TBC1D22A: variants seen among roughly 807,000 people sequenced by gnomAD.
TBC1D22A encodes the protein TBC1 domain family member 22A.
TBC1D22A carries 38 observed loss-of-function variants against 60.2 expected under a neutral mutation model. The ratio of observed to expected loss-of-function variants is 0.63; its 90% CI spans 0.49 to 0.83. TBC1D22A has a LOEUF of 0.83. Ranked by LOEUF, TBC1D22A falls within the 40% of genes least tolerant of loss-of-function variation. The probability of loss-of-function intolerance (pLI) is 0.00; values close to 1 mark genes in which losing one functional copy is unlikely to be tolerated. For synonymous variants in TBC1D22A, 302 were observed against 281.7 expected (o/e 1.07, Z -0.72); for missense variants, 628 against 701.0 (o/e 0.90, Z 1.18).
At chr22:46,826,690 GA>G (rs1157100992) in intron 4 of TBC1D22A, among the ~76,000 whole-genome samples, 1 of 152,154 alleles carries the variant, frequency 6.6e-6, no homozygotes, top group African/African-American at 2.4e-5. Flanking sequence ...GACTGTCCCG[GA>G]GCTTGCTTGA....
intron 11 of TBC1D22A, among the ~76,000 whole-genome samples, chr22:47,068,251 C>T (rs1479737325): frequency 1.3e-5 from 2 of 152,222 alleles, no homozygotes; most frequent in African/African-American, 4.8e-5. Context: ...GGAGCCGTTG[C>T]CCCCAGGGCT....
intron 11 of TBC1D22A, among the ~76,000 whole-genome samples, chr22:47,079,902 A>G (rs1051809173): frequency 6.6e-6 from 1 of 152,262 alleles, no homozygotes; most frequent in Non-Finnish European, 1.5e-5. Context: ...CTTTACGTGT[A>G]ATAACATGGA....
intron 4 of TBC1D22A, among the ~76,000 whole-genome samples, chr22:46,812,035 T>C (rs1369275778): frequency 6.6e-6 from 1 of 152,100 alleles, no homozygotes; most frequent in Admixed American, 6.5e-5. Context: ...AAATCTTTGT[T>C]CTGTGTGTAG....
At chr22:46,917,400 G>C (rs1280436530) in intron 8 of TBC1D22A, among the ~76,000 whole-genome samples, 3 of 152,138 alleles carry the variant, frequency 2.0e-5, no homozygotes, top group Non-Finnish European at 1.5e-5. Flanking sequence ...AGGAGGGCCT[G>C]GTCCTGGATG....
At chr22:46,888,085 C>T (rs961907152) in intron 5 of TBC1D22A, among the ~76,000 whole-genome samples, 7 of 152,204 alleles carry the variant, frequency 4.6e-5, no homozygotes, top group Admixed American at 4.6e-4. Flanking sequence ...CAGAGGGTGG[C>T]CGCCGCAACT....
intron 4 of TBC1D22A, among the ~76,000 whole-genome samples, chr22:46,837,703 A>G (rs537423151): frequency 2.0e-5 from 3 of 152,362 alleles, no homozygotes; most frequent in Non-Finnish European, 4.4e-5. Context: ...CAGCATACCA[A>G]CACTTCTCAG....
At chr22:47,098,658 TC>T (rs920786712) in intron 11 of TBC1D22A, among the ~76,000 whole-genome samples, 1 of 151,908 alleles carries the variant, frequency 6.6e-6, no homozygotes, top group African/African-American at 2.4e-5. Flanking sequence ...AGGTGAGGCA[TC>T]CCCCCGACTC....
At chr22:46,785,785 T>C (rs950001674) in intron 1 of TBC1D22A, among the ~76,000 whole-genome samples, 2 of 152,240 alleles carry the variant, frequency 1.3e-5, no homozygotes, top group Non-Finnish European at 2.9e-5. Flanking sequence ...TCACTACTTT[T>C]GTTTTGAGAC....
At chr22:47,069,760 G>GT (rs1380155876) in intron 11 of TBC1D22A, among the ~76,000 whole-genome samples, 4 of 86,824 alleles carry the variant, frequency 4.6e-5, no homozygotes, top group African/African-American at 2.0e-4. Flanking sequence ...TGACCTGACG[G>GT]TCCTGGCTGT....
chr22:46,962,195 C>T (rs574290499), intron 8 of TBC1D22A, among the ~76,000 whole-genome samples: 116 of 152,304 alleles, frequency 7.6e-4, no homozygotes, highest in Middle Eastern at 6.8e-3. Context: ...TCCTGCTCTG[C>T]GTGGCTTTAA....
chr22:46,904,142 T>TCTATCTATCTATCTATCTATCTAC (rs57116517), intron 7 of TBC1D22A, among the ~76,000 whole-genome samples: 2 of 134,498 alleles, frequency 1.5e-5, no homozygotes, highest in African/African-American at 5.9e-5. Flanking sequence ...TATCTATCTA[T>TCTATCTATCTATCTATCTATCTAC]CTACCTACCT....
chr22:46,974,786 C>T lies in TBC1D22A; in HGVS notation c.1125+387C>T, dbSNP rs574988504. Among the ~76,000 whole-genome samples the T allele has an allele frequency of 2.0e-5, 3 of 152,330 alleles. No individual in the cohort carries two copies. In the South Asian group the frequency reaches 6.2e-4, roughly 32 times the overall value. ...CAGATCGGGGGCCACAGCTCCTGGC[C>T]TCTGACACCAGGCTGTGAGCCCTCG... On this transcript the variant is annotated intron_variant, in intron 9 of 12. Transcript: ENST00000337137.
chr22:46,803,482 G>C (rs1222565197), intron 4 of TBC1D22A, among the ~76,000 whole-genome samples: 1 of 152,034 alleles, frequency 6.6e-6, no homozygotes, highest in Non-Finnish European at 1.5e-5. Flanking sequence ...GAGCTGAGGC[G>C]GGGAGGGCGG....
intron 8 of TBC1D22A, among the ~76,000 whole-genome samples, chr22:46,969,003 G>A (rs1184926638): frequency 6.6e-6 from 1 of 152,128 alleles, no homozygotes; most frequent in East Asian, 1.9e-4. Flanking sequence ...TGGTGACTGT[G>A]CAGTGCTATC....
At chr22:46,822,506 G>C (rs982260750) in intron 4 of TBC1D22A, among the ~76,000 whole-genome samples, 1 of 152,068 alleles carries the variant, frequency 6.6e-6, no homozygotes, top group African/African-American at 2.4e-5. Context: ...CTGTTCTGTA[G>C]GGCTGCTGCA....
At chr22:47,065,279 GCC>G (rs1208226079) in intron 11 of TBC1D22A, among the ~76,000 whole-genome samples, 10 of 152,256 alleles carry the variant, frequency 6.6e-5, no homozygotes, top group Non-Finnish European at 1.0e-4. Context: ...GCAAGCGTGA[GCC>G]ACCATGCCCG....
intron 3 of TBC1D22A, among the ~76,000 whole-genome samples, chr22:46,794,890 G>T (rs1342500956): frequency 3.3e-5 from 5 of 152,212 alleles, no homozygotes; most frequent in South Asian, 2.1e-4. Context: ...AAGGTCTTCT[G>T]GGGGCTAGGG....
chr22:47,131,687 C>T lies in TBC1D22A; in HGVS notation c.1425+20084C>T, dbSNP rs73889415. ...GCTGACAGTGGGGGTCAGAGCCTGG[C>T]GTTGGTCATCTTGCCTCACTCTGCA... On this transcript the variant is annotated intron_variant, in intron 12 of 12. Coordinates refer to ENST00000337137, the MANE Select transcript of TBC1D22A (RefSeq NM_014346.5). Among the ~76,000 whole-genome samples, 557 of 152,332 alleles carry T rather than the reference C, an allele frequency of 3.7e-3. 8 individuals are homozygous for T. The highest frequency in any genetic ancestry group is 0.013 in the African/African-American group (529 of 41,578).
intron 11 of TBC1D22A, among the ~76,000 whole-genome samples, chr22:47,063,209 C>T (rs2063639970): frequency 6.6e-6 from 1 of 152,150 alleles, no homozygotes; most frequent in East Asian, 1.9e-4. Flanking sequence ...CTCCAGGGTT[C>T]CCAATCTCAT....
Sources: gnomAD v4.1 joint callset for allele counts (sites outside exome capture counted in the v4.1 genomes callset) on GRCh38, gnomAD v4.1.1 for gene constraint, MANE v1.5 for transcripts, NCBI Gene and HGNC (gene_info 2026-07-23, HGNC 2026-07-21) for gene names.